Variants in ELMO1 observed in about 807,000 individuals in gnomAD.
The protein encoded by ELMO1 is engulfment and cell motility protein 1.
In ELMO1, 26 loss-of-function variants were observed where a neutral mutation model predicts 98.9. The observed-to-expected ratio is 0.26, with a 90% CI of 0.19 to 0.36. ELMO1 has a LOEUF of 0.36. Among genes scored for constraint, ELMO1 ranks in the 10% least tolerant of loss-of-function variants. ELMO1 has a pLI of 1.00. For missense variants in ELMO1, 627 were observed against 935.2 expected, an observed-to-expected ratio of 0.67 and a Z score of 4.30; for synonymous variants, 346 against 346.0, an observed-to-expected ratio of 1.00 and a Z score of 0.00.
intron 13 of ELMO1, among the ~76,000 whole-genome samples, chr7:37,209,363 A>C (rs1042415364): frequency 6.6e-6 from 1 of 152,118 alleles, no homozygotes; most frequent in African/African-American, 2.4e-5. Flanking sequence ...ACTGCCCCCG[A>C]GGAAAATCAC....
At chr7:36,902,575 T>C (rs1467831948) in intron 16 of ELMO1, among the ~76,000 whole-genome samples, 1 of 152,234 alleles carries the variant, frequency 6.6e-6, no homozygotes, top group Admixed American at 6.5e-5. Context: ...CACAGCAGAC[T>C]GAAACTTTCT....
At chr7:36,988,390 C>G (rs957174775) in intron 16 of ELMO1, among the ~76,000 whole-genome samples, 9 of 152,218 alleles carry the variant, frequency 5.9e-5, no homozygotes, top group African/African-American at 2.2e-4. Context: ...CCATCCAAGT[C>G]TTCCTCAATC....
In ELMO1 at chr7:37,023,676, C is replaced by T. The variant is rs530882436; in HGVS notation, c.1301-10241G>A. 4.6e-5 allele frequency among the ~76,000 whole-genome samples: 7 copies of T among 152,238 alleles called. No homozygotes were observed. In the South Asian group the frequency reaches 6.2e-4, roughly 14 times the overall value. On this transcript the variant is annotated intron_variant, in intron 15 of 21. Transcript: ENST00000310758. The stretch of plus-strand genomic sequence containing the variant: ...AGGCTGGAGTACAGTGGCACTATCT[C>T]GGCTCACTGCAACCCCCGCATCCTG...
chr7:36,962,725 T>C (rs1291830384), intron 16 of ELMO1, among the ~76,000 whole-genome samples: 1 of 152,072 alleles, frequency 6.6e-6, no homozygotes, highest in Non-Finnish European at 1.5e-5. Context: ...ATTCATGAGC[T>C]CCTTAGGTGC....
intron 13 of ELMO1, among the ~76,000 whole-genome samples, chr7:37,155,595 A>G (rs1788703583): frequency 6.6e-6 from 1 of 152,140 alleles, no homozygotes; most frequent in African/African-American, 2.4e-5. Flanking sequence ...ACATAATGGT[A>G]AAGGGATCAA....
chr7:37,326,427 C>T (rs750209919), intron 2 of ELMO1, among the ~76,000 whole-genome samples: 10 of 151,720 alleles, frequency 6.6e-5, no homozygotes, highest in Non-Finnish European at 1.3e-4. Flanking sequence ...TGGTGGGGTG[C>T]GCCTGTAATC....
At chr7:37,387,335 G>A (rs1237557701) in intron 1 of ELMO1, among the ~76,000 whole-genome samples, 3 of 152,170 alleles carry the variant, frequency 2.0e-5, no homozygotes, top group Admixed American at 6.5e-5. Context: ...GAAAGCACTA[G>A]GGAAGCGTCT....
chr7:37,375,741 T>C lies in ELMO1; in HGVS notation c.-73-32978A>G. On this transcript the variant is annotated intron_variant, in intron 1 of 21. Transcript: ENST00000310758. Reference sequence around the variant, plus strand: ...GACACTTCTACTGGTACCTTACCAATGAGGGTATCCAGTATCTCAGTGATT... The same window carrying C: ...GACACTTCTACTGGTACCTTACCAACGAGGGTATCCAGTATCTCAGTGATT... 4 of 1,203,436 alleles carry C rather than the reference T, an allele frequency of 3.3e-6. No individual in the cohort carries two copies. The South Asian group carries it at 4.9e-5, about 15-fold the overall frequency. The allele number at this position is 1,203,436 out of a possible 1,614,324, so 74.5% of individuals were successfully genotyped here.
chr7:37,391,913 A>G (rs1803094761), intron 1 of ELMO1, among the ~76,000 whole-genome samples: 1 of 152,064 alleles, frequency 6.6e-6, no homozygotes, highest in South Asian at 2.1e-4. Flanking sequence ...AAGTGTGTGT[A>G]CCCCCCTAAG....
At chr7:36,884,185 T>C (rs965991909) in intron 18 of ELMO1, among the ~76,000 whole-genome samples, 3 of 151,608 alleles carry the variant, frequency 2.0e-5, no homozygotes, top group African/African-American at 7.3e-5. Flanking sequence ...TACCCGGGCA[T>C]GGTGGCGGGT....
rs1801987617 is a variant in ELMO1 at position 36,853,430 on chromosome 7, G to GA, written c.*2120dup. ...ATGGATTGGATCTTGTAACCCATAA[G>GA]AAAAAAATAATATGACTTTGTTTGC... On this transcript the variant is annotated 3_prime_UTR_variant, in exon 22 of 22. Coordinates refer to ENST00000310758, the MANE Select transcript of ELMO1 (RefSeq NM_014800.11). Among the ~76,000 whole-genome samples the GA allele has an allele frequency of 6.6e-6, 1 of 151,990 alleles. No homozygotes were observed. The highest frequency in any genetic ancestry group is 2.4e-5 in the African/African-American group (1 of 41,386).
intron 19 of ELMO1, among the ~76,000 whole-genome samples, chr7:36,873,699 C>T (rs1196936227): frequency 6.6e-6 from 1 of 152,232 alleles, no homozygotes; most frequent in Non-Finnish European, 1.5e-5. Flanking sequence ...GGCCAGCCCC[C>T]CAAATCATGC....
chr7:37,438,287 A>AAT (rs77520014), intron 1 of ELMO1, among the ~76,000 whole-genome samples: 13,815 of 152,012 alleles, frequency 0.091, 826 homozygotes, highest in Non-Finnish European at 0.12. Context: ...AAAGAACCTG[A>AAT]ATAGAAACTA....
chr7:37,063,350 A>AT (rs1380060905), intron 15 of ELMO1, among the ~76,000 whole-genome samples: 6 of 152,160 alleles, frequency 3.9e-5, no homozygotes, highest in African/African-American at 1.2e-4. Context: ...CCCAATTAAG[A>AT]TTTCTTTACT....
chr7:37,119,636 G>T (rs943049689), intron 14 of ELMO1, among the ~76,000 whole-genome samples: 4 of 152,122 alleles, frequency 2.6e-5, no homozygotes, highest in African/African-American at 9.7e-5. Flanking sequence ...AAACAATCTT[G>T]AGAAAACAAT....
chr7:37,215,247 C>T (rs1221738747), intron 11 of ELMO1, among the ~76,000 whole-genome samples: 1 of 152,202 alleles, frequency 6.6e-6, no homozygotes, highest in South Asian at 2.1e-4. Flanking sequence ...ATTGAACTAA[C>T]TTGGTCACAA....
At chr7:37,108,423 A>T (rs1029216823) in intron 14 of ELMO1, among the ~76,000 whole-genome samples, 1 of 152,056 alleles carries the variant, frequency 6.6e-6, no homozygotes, top group Non-Finnish European at 1.5e-5. Flanking sequence ...ATGCAATAAA[A>T]CCTTATGTAT....
intron 1 of ELMO1, among the ~76,000 whole-genome samples, chr7:37,389,632 G>C (rs181535419): frequency 6.6e-6 from 1 of 152,164 alleles, no homozygotes; most frequent in South Asian, 2.1e-4. Flanking sequence ...GGAGCATGAA[G>C]AGGCAGGAAT....
At chr7:36,860,949 T>C (rs544343739) in intron 21 of ELMO1, among the ~76,000 whole-genome samples, 1 of 152,230 alleles carries the variant, frequency 6.6e-6, no homozygotes, top group African/African-American at 2.4e-5. Context: ...TATTAAAATG[T>C]TCTCTTCCTT....
Sources: allele counts gnomAD v4.1 joint callset (sites outside exome capture counted in the v4.1 genomes callset), GRCh38; gene constraint gnomAD v4.1.1; transcripts MANE v1.5; gene names NCBI Gene and HGNC (gene_info 2026-07-23, HGNC 2026-07-21).